The following FOXK2 variants were observed in gnomAD, a reference collection of about 807,000 sequenced individuals.
The protein encoded by FOXK2 is forkhead box K2.
Under a neutral mutation model 53.3 loss-of-function variants are expected in FOXK2, and 24 were observed. The observed-to-expected ratio is 0.45, with a 90% CI of 0.33 to 0.63. The LOEUF is 0.63. Among genes scored for constraint, FOXK2 ranks in the 30% least tolerant of loss-of-function variants. The pLI, the probability that FOXK2 is intolerant of heterozygous loss-of-function variation, is 0.03. For missense variants in FOXK2, 952 were observed against 910.5 expected (o/e 1.05, Z -0.59); for synonymous variants, 505 against 407.1 (o/e 1.24, Z -2.89).
At chr17:82,577,912 G>GT (rs1485615780) in intron 4 of FOXK2, 1 of 152,134 alleles carries the variant, frequency 6.6e-6, no homozygotes, top group African/African-American at 2.4e-5. Flanking sequence ...TAATTTTTGT[G>GT]TTTTTACTAG....
intron 8 of FOXK2, chr17:82,593,628 G>A (rs1193264106): frequency 6.6e-6 from 1 of 152,342 alleles, no homozygotes; most frequent in Non-Finnish European, 1.5e-5. Context: ...CCCTTGCAGA[G>A]GGAGCAGTGC....
chr17:82,551,325 AAAT>A (rs1314256717), intron 1 of FOXK2, among the ~76,000 whole-genome samples: 1 of 8,670 alleles, frequency 1.2e-4, no homozygotes. Flanking sequence ...TCAAAAAAAA[AAAT>A]TAAAAAAAAA....
intron 1 of FOXK2, among the ~76,000 whole-genome samples, chr17:82,528,655 G>A (rs1459072091): frequency 6.6e-6 from 1 of 152,182 alleles, no homozygotes; most frequent in Non-Finnish European, 1.5e-5. Flanking sequence ...AGTGGTGGCA[G>A]GGAGACCAGA....
intron 4 of FOXK2, chr17:82,576,626 G>A (rs1315207361): frequency 9.0e-7 from 1 of 1,105,730 alleles, no homozygotes; most frequent in African/African-American, 1.5e-5. Context: ...GCCGCAGATT[G>A]TTCTGGGAAG....
chr17:82,531,681 A>G (rs1457026884), intron 1 of FOXK2, among the ~76,000 whole-genome samples: 1 of 152,176 alleles, frequency 6.6e-6, no homozygotes, highest in Non-Finnish European at 1.5e-5. Flanking sequence ...AAGGCACAGT[A>G]AAAATAAGGT....
chr17:82,545,580 C>CT (rs201487331), intron 1 of FOXK2, among the ~76,000 whole-genome samples: 25,210 of 139,518 alleles, frequency 0.18, 2,913 homozygotes, highest in East Asian at 0.55. Context: ...TGTTGGAAGG[C>CT]TTTTTTTTTT....
chr17:82,586,104 T>C lies in FOXK2; in HGVS notation c.1480T>C (p.Tyr494His), dbSNP rs1431334741. Residue 494 changes from tyrosine to histidine, a missense_variant, in exon 7 of 9, where the codon TAC becomes CAC. Physicochemically the swap from Tyr to His is moderately conservative, Grantham distance 83. Transcript: ENST00000335255. ...GGCCGGACTGGCCCCAGCGAACACGTACACTGTCTCTGGACAAGCTGTGGT... is the reference window on the plus strand; with the variant it reads ...GGCCGGACTGGCCCCAGCGAACACGCACACTGTCTCTGGACAAGCTGTGGT... ...SVAGLAPANT[Y>H]TVSGQAVVTP... The C allele has an allele frequency of 2.5e-6, 4 of 1,612,496 alleles. No individual in the cohort carries two copies. Among genetic ancestry groups the C allele is most frequent in the South Asian group, 2.2e-5 (2 of 91,076 alleles).
At chr17:82,533,306 T>C (rs2044489790) in intron 1 of FOXK2, among the ~76,000 whole-genome samples, 1 of 152,056 alleles carries the variant, frequency 6.6e-6, no homozygotes, top group African/African-American at 2.4e-5. Context: ...CTGGCCAACA[T>C]GGTGAAACCC....
At chr17:82,555,028 C>T (rs950102647) in intron 1 of FOXK2, among the ~76,000 whole-genome samples, 8 of 152,160 alleles carry the variant, frequency 5.3e-5, no homozygotes, top group African/African-American at 7.2e-5. Flanking sequence ...GGATTACAGG[C>T]GTGAGCCACT....
In FOXK2 at chr17:82,604,390, C is replaced by CAGAGT. The variant is rs1555645361; in HGVS notation, c.*2894_*2898dup. The CAGAGT allele has an allele frequency of 6.6e-6, 1 of 152,376 alleles. No homozygotes were observed. The highest frequency in any genetic ancestry group is 1.5e-5 in the Non-Finnish European group (1 of 68,064). The allele number at this position is 152,376 out of a possible 1,614,324, so 9.4% of individuals were successfully genotyped here. On this transcript the variant is annotated 3_prime_UTR_variant, in exon 9 of 9. Coordinates refer to ENST00000335255, the MANE Select transcript of FOXK2 (RefSeq NM_004514.4). ...CCGTCATTGTCCTCCGCTAGAATAA[C>CAGAGT]AGAGTAGTTGGTAGTCATGGCCAGA...
At chr17:82,572,326 A>G (rs2044927207) in intron 4 of FOXK2, among the ~76,000 whole-genome samples, 1 of 152,234 alleles carries the variant, frequency 6.6e-6, no homozygotes, top group Non-Finnish European at 1.5e-5. Flanking sequence ...ACCAAGGAAC[A>G]CTTAGAAGAC....
intron 4 of FOXK2, among the ~76,000 whole-genome samples, chr17:82,581,582 TCTCCCGCCTCAGC>T (rs1555641395): frequency 6.6e-6 from 1 of 151,638 alleles, no homozygotes; most frequent in Non-Finnish European, 1.5e-5. Context: ...TTCACACCAT[TCTCCCGCCTCAGC>T]CTCCCGAGCA....
At chr17:82,585,859 G>A (rs1425344447) in intron 6 of FOXK2, 45 bp from the exon 7 acceptor site, 2 of 1,572,824 alleles carry the variant, frequency 1.3e-6, no homozygotes, top group Middle Eastern at 1.7e-4. Context: ...TTTGTTTGTA[G>A]AAGTCAGTAT....
chr17:82,522,575 G>A (rs1315113995), intron 1 of FOXK2, among the ~76,000 whole-genome samples: 1 of 151,568 alleles, frequency 6.6e-6, no homozygotes, highest in African/African-American at 2.4e-5. Flanking sequence ...GTTTCACCAT[G>A]CTAGCCAGGA....
At chr17:82,530,675 A>T (rs1386205435) in intron 1 of FOXK2, among the ~76,000 whole-genome samples, 2 of 151,662 alleles carry the variant, frequency 1.3e-5, no homozygotes, top group Admixed American at 6.6e-5. Context: ...ACGCTCTGCT[A>T]ATTTTTGTAT....
At chr17:82,535,130 T>C (rs2044508167) in intron 1 of FOXK2, among the ~76,000 whole-genome samples, 1 of 152,238 alleles carries the variant, frequency 6.6e-6, no homozygotes, top group South Asian at 2.1e-4. Context: ...TCCACCTGCC[T>C]CAGCCTCCTA....
At chr17:82,577,149 C>G in intron 4 of FOXK2, 1 of 768,404 alleles carries the variant, frequency 1.3e-6, no homozygotes, top group Non-Finnish European at 2.2e-6. Flanking sequence ...GCAACAAGAG[C>G]AAAACTCCGT....
intron 4 of FOXK2, chr17:82,576,828 G>A (rs759361561): frequency 2.3e-5 from 13 of 557,786 alleles, no homozygotes; most frequent in East Asian, 1.9e-4. Context: ...CCAGAAATCC[G>A]CTCCAGCAGC....
intron 1 of FOXK2, among the ~76,000 whole-genome samples, chr17:82,557,242 G>T (rs2044737877): frequency 6.6e-6 from 1 of 150,696 alleles, no homozygotes; most frequent in South Asian, 2.1e-4. Context: ...ATGTTGGTCA[G>T]GCTGGTCTCG....
Sources: allele counts gnomAD v4.1 joint callset (sites outside exome capture counted in the v4.1 genomes callset), GRCh38; gene constraint gnomAD v4.1.1; transcripts MANE v1.5; gene names NCBI Gene and HGNC (gene_info 2026-07-23, HGNC 2026-07-21).